ATP11C: variants seen among roughly 807,000 people sequenced by gnomAD.
The protein encoded by ATP11C is phospholipid-transporting ATPase IG.
A neutral mutation model predicts 97.4 loss-of-function variants in ATP11C; 36 were observed. That is an observed-to-expected ratio of 0.37 (90% CI 0.28 to 0.49). ATP11C has a LOEUF of 0.49. Ranked by LOEUF, ATP11C falls within the 20% of genes least tolerant of loss-of-function variation. ATP11C has a pLI of 0.98. For missense variants in ATP11C, 730 were observed against 824.6 expected, an observed-to-expected ratio of 0.89 and a Z score of 1.40; for synonymous variants, 275 against 290.9, an observed-to-expected ratio of 0.95 and a Z score of 0.56.
intron 1 of ATP11C, among the ~76,000 whole-genome samples, chrX:139,869,848 C>A (rs975134972): frequency 1.2e-5 from 1 of 83,284 alleles, no homozygotes; most frequent in South Asian, 5.7e-4. Flanking sequence ...GGAAGGTGAA[C>A]GTGGGAAATG....
At chrX:139,882,933 T>C (rs893501173) in intron 1 of ATP11C, among the ~76,000 whole-genome samples, 1 of 111,102 alleles carries the variant, frequency 9.0e-6, no homozygotes, top group Non-Finnish European at 1.9e-5. Flanking sequence ...CTGGGCCAAA[T>C]CAGTGGAGGC....
chrX:139,775,447 G>C, intron 18 of ATP11C, among the ~76,000 whole-genome samples: 1 of 112,176 alleles, frequency 8.9e-6, no homozygotes, highest in East Asian at 2.8e-4. Flanking sequence ...TCAAATGCCA[G>C]TTGTCCTCAT....
chrX:139,759,485 G>T (rs1262900629), intron 22 of ATP11C, among the ~76,000 whole-genome samples: 1 of 111,422 alleles, frequency 9.0e-6, no homozygotes, highest in Non-Finnish European at 1.9e-5. Flanking sequence ...TGAGACGGTG[G>T]AGAGTAAAGG....
intron 5 of ATP11C, among the ~76,000 whole-genome samples, chrX:139,812,363 A>C (rs773175737): frequency 3.9e-4 from 44 of 111,516 alleles, no homozygotes; most frequent in African/African-American, 1.4e-3. Flanking sequence ...GGGAAAATGA[A>C]AAATGGGGGC....
intron 2 of ATP11C, 89 bp from the exon 3 acceptor site, chrX:139,819,516 T>C (rs2083358187): frequency 2.8e-6 from 1 of 354,816 alleles, no homozygotes; most frequent in Non-Finnish European, 5.0e-6. Context: ...CACATTATCA[T>C]ATAAAGTGAT....
intron 1 of ATP11C, among the ~76,000 whole-genome samples, chrX:139,900,579 G>C: frequency 9.0e-6 from 1 of 111,330 alleles, no homozygotes; most frequent in South Asian, 3.8e-4. Context: ...GGCAGAAGTT[G>C]GAGAACCCTT....
Position 139,752,799 on chromosome X carries a change from C to T in ATP11C, c.2701-2647G>A, listed in dbSNP as rs756901769. The stretch of plus-strand genomic sequence containing the variant: ...CAGATTGATCAGAACTTACGAAACT[C>T]TCTAATACTATTAATTTTGAATACA... On this transcript the variant is annotated intron_variant, in intron 23 of 29. Transcript: ENST00000682941. Among the ~76,000 whole-genome samples, 3 of 111,981 alleles carry T rather than the reference C, an allele frequency of 2.7e-5. No individual in the cohort carries two copies. The East Asian group carries it at 8.4e-4, about 31-fold the overall frequency.
chrX:139,763,508 G>C, intron 20 of ATP11C, 90 bp from the exon 21 acceptor site: 1 of 609,077 alleles, frequency 1.6e-6, no homozygotes, highest in Non-Finnish European at 2.6e-6. Flanking sequence ...ATTCACACTT[G>C]TAAATAGCAG....
intron 24 of ATP11C, among the ~76,000 whole-genome samples, chrX:139,746,853 G>T (rs2081697196): frequency 1.8e-5 from 2 of 111,769 alleles, no homozygotes; most frequent in African/African-American, 6.5e-5. Context: ...TTTAATAAAT[G>T]ATATCTAATT....
chrX:139,749,276 G>A (rs930522324), intron 24 of ATP11C, among the ~76,000 whole-genome samples: 1 of 111,683 alleles, frequency 9.0e-6, no homozygotes, highest in African/African-American at 3.3e-5. Flanking sequence ...AATTTTATGA[G>A]TCATGCTGGT....
At chrX:139,863,993 G>A (rs1215566233) in intron 1 of ATP11C, among the ~76,000 whole-genome samples, 1 of 110,846 alleles carries the variant, frequency 9.0e-6, no homozygotes, top group Non-Finnish European at 1.9e-5. Flanking sequence ...ACACCCTGGA[G>A]GTTGAGGCTG....
intron 12 of ATP11C, among the ~76,000 whole-genome samples, chrX:139,793,452 T>A (rs763704533): frequency 1.8e-5 from 2 of 111,461 alleles, no homozygotes; most frequent in African/African-American, 6.5e-5. Context: ...GATTTTCTTT[T>A]CCTATCTCTT....
rs1238109039 is a variant in ATP11C at position 139,932,971 on chromosome X, C to T, written c.-929G>A. 6 of 112,591 alleles carry T rather than the reference C, an allele frequency of 5.3e-5. No individual in the cohort carries two copies. Among genetic ancestry groups the T allele is most frequent in the Non-Finnish European group, 7.5e-5 (4 of 53,287 alleles). 9.3% of individuals were successfully genotyped at this position (112,591 alleles called of 1,213,427 possible). A position where few individuals can be genotyped will look rare whatever the true frequency, so the allele number is the denominator to read the frequency against. Reference sequence around the variant, plus strand: ...TCCCACCTACGCGGCTTTCCCTCCTCTCAGTCTTTCTCTCGTCCTGCCTGC... The same window carrying T: ...TCCCACCTACGCGGCTTTCCCTCCTTTCAGTCTTTCTCTCGTCCTGCCTGC... On this transcript the variant is annotated 5_prime_UTR_variant, in exon 1 of 30. Coordinates refer to ENST00000682941, the MANE Select transcript of ATP11C (RefSeq NM_001353812.2).
At chrX:139,919,347 G>A (rs1043665540) in intron 1 of ATP11C, among the ~76,000 whole-genome samples, 3 of 108,337 alleles carry the variant, frequency 2.8e-5, no homozygotes, top group Non-Finnish European at 5.7e-5. Flanking sequence ...GCGGGCACCT[G>A]TAATCCCAGC....
chrX:139,903,398 GA>G (rs1220823672), intron 1 of ATP11C, among the ~76,000 whole-genome samples: 1 of 109,338 alleles, frequency 9.1e-6, no homozygotes, highest in Non-Finnish European at 1.9e-5. Context: ...TACCCTGGGG[GA>G]AGGAATGCTG....
intron 1 of ATP11C, among the ~76,000 whole-genome samples, chrX:139,851,035 C>A (rs1603400971): frequency 8.9e-6 from 1 of 112,000 alleles, no homozygotes; most frequent in Admixed American, 9.4e-5. Flanking sequence ...CAACCCTTTG[C>A]TACAGAGATT....
intron 18 of ATP11C, among the ~76,000 whole-genome samples, chrX:139,775,972 G>C (rs1057462110): frequency 2.7e-4 from 31 of 112,854 alleles, no homozygotes; most frequent in Admixed American, 2.5e-3. Flanking sequence ...AGTCCCCAGG[G>C]AGCTATGGGA....
chrX:139,774,403 A>G (rs67765469), intron 19 of ATP11C, among the ~76,000 whole-genome samples: 12,545 of 111,795 alleles, frequency 0.11, 963 homozygotes, highest in East Asian at 0.29. Flanking sequence ...GGACCAGGCC[A>G]GAATATCAAC....
At chrX:139,821,776 T>C (rs1413046841) in intron 2 of ATP11C, among the ~76,000 whole-genome samples, 2 of 112,212 alleles carry the variant, frequency 1.8e-5, no homozygotes, top group Admixed American at 9.4e-5. Flanking sequence ...CCTAGAACAA[T>C]AGTTTAGCAC....
Sources: allele counts gnomAD v4.1 joint callset (sites outside exome capture counted in the v4.1 genomes callset), GRCh38; gene constraint gnomAD v4.1.1; transcripts MANE v1.5; gene names NCBI Gene and HGNC (gene_info 2026-07-23, HGNC 2026-07-21).